Variants in NCOR2 observed in about 807,000 individuals in gnomAD.
The protein encoded by NCOR2 is nuclear receptor corepressor 2.
A neutral mutation model predicts 262.9 loss-of-function variants in NCOR2; 81 were observed. The observed-to-expected ratio is 0.31, with a 90% CI of 0.26 to 0.37. The LOEUF is 0.37. Among genes scored for constraint, NCOR2 ranks in the 10% least tolerant of loss-of-function variants. The pLI, the probability that NCOR2 is intolerant of heterozygous loss-of-function variation, is 1.00. For synonymous variants in NCOR2, 1,659 were observed against 1,559.3 expected (o/e 1.06, Z -1.51); for missense variants, 3,385 against 3,621.4 (o/e 0.93, Z 1.68).
intron 15 of NCOR2, among the ~76,000 whole-genome samples, chr12:124,399,367 G>A (rs1018312461): frequency 1.3e-5 from 2 of 152,138 alleles, no homozygotes; most frequent in Admixed American, 1.3e-4. Flanking sequence ...CCCTGCGGCT[G>A]AGCCCCCAGC....
intron 1 of NCOR2, among the ~76,000 whole-genome samples, chr12:124,490,270 C>A (rs1234369910): frequency 2.0e-5 from 3 of 152,222 alleles, no homozygotes; most frequent in African/African-American, 7.2e-5. Flanking sequence ...TCAGCCCTTC[C>A]CCTCATCTCC....
chr12:124,488,783 G>A (rs2047916271), intron 1 of NCOR2, among the ~76,000 whole-genome samples: 3 of 152,210 alleles, frequency 2.0e-5, no homozygotes, highest in Admixed American at 1.3e-4. Flanking sequence ...GGCCAAGTGG[G>A]CAGAGAAGCA....
intron 1 of NCOR2, among the ~76,000 whole-genome samples, chr12:124,553,806 C>T (rs1429819985): frequency 1.3e-5 from 2 of 152,226 alleles, no homozygotes; most frequent in Non-Finnish European, 2.9e-5. Flanking sequence ...CACGTCCCTG[C>T]ATGCCAGGTT....
intron 1 of NCOR2, among the ~76,000 whole-genome samples, chr12:124,551,284 T>C (rs2051705688): frequency 6.6e-6 from 1 of 152,192 alleles, no homozygotes; most frequent in African/African-American, 2.4e-5. Flanking sequence ...TATACAAAGC[T>C]GTCAATACTC....
Position 124,462,554 on chromosome 12 carries a change from G to A in NCOR2, c.705+3619C>T, listed in dbSNP as rs552397443. Among the ~76,000 whole-genome samples, 6 of 152,344 alleles carry A rather than the reference G, an allele frequency of 3.9e-5. No individual in the cohort carries two copies. In the East Asian group the frequency reaches 1.2e-3, roughly 29 times the overall value. ...TGCAGCAGCCTCGCGGGGCTGAAAC[G>A]GACAATCTGAAAGAACCCCTGGACC... On this transcript the variant is annotated intron_variant, in intron 5 of 46. Transcript: ENST00000405201.
exon 20 of NCOR2, chr12:124,372,211 C>A (rs1295653711): frequency 1.2e-6 from 2 of 1,601,468 alleles, no homozygotes; most frequent in African/African-American, 1.3e-5. Context: ...CTTGGCCGGC[C>A]CCTCCTCGGC....
At chr12:124,556,307 C>G (rs932596953) in intron 1 of NCOR2, 1 of 152,392 alleles carries the variant, frequency 6.6e-6, no homozygotes, top group Non-Finnish European at 1.5e-5. Context: ...CCTGGGACTC[C>G]CAACGGGCAC....
intron 1 of NCOR2, among the ~76,000 whole-genome samples, chr12:124,563,863 C>A (rs1001171307): frequency 6.6e-6 from 1 of 152,220 alleles, no homozygotes; most frequent in Non-Finnish European, 1.5e-5. Flanking sequence ...ATATCCTCTA[C>A]GGCAGCTTTG....
At chr12:124,384,553 G>A (rs376326921) in intron 17 of NCOR2, among the ~76,000 whole-genome samples, 130 of 152,292 alleles carry the variant, frequency 8.5e-4, no homozygotes, top group Non-Finnish European at 1.5e-3. Flanking sequence ...GCGGCCGCGC[G>A]CACACATGAC....
At chr12:124,474,234 T>G (rs1244217547) in intron 3 of NCOR2, among the ~76,000 whole-genome samples, 2 of 152,230 alleles carry the variant, frequency 1.3e-5, no homozygotes, top group East Asian at 3.8e-4. Flanking sequence ...AACACACACG[T>G]GGCTTTGCAG....
At chr12:124,539,330 A>T (rs543217901), upstream of NCOR2, 1 of 152,740 alleles carries the variant, frequency 6.5e-6, no homozygotes, top group Admixed American at 6.5e-5. The surrounding 1 kb of genome is among the most constrained non-coding windows in gnomAD (Gnocchi z 5.1). Context: ...GTTCACACTC[A>T]CCGGCTCGGG....
At chr12:124,335,544 G>C in exon 39 of NCOR2, 1 of 1,609,488 alleles carries the variant, frequency 6.2e-7, no homozygotes, top group East Asian at 2.2e-5. Flanking sequence ...CCAGGTGCTT[G>C]GGGAGCCCCT....
chr12:124,408,025 A>G (rs2042369010), intron 13 of NCOR2, among the ~76,000 whole-genome samples: 1 of 152,238 alleles, frequency 6.6e-6, no homozygotes, highest in Admixed American at 6.5e-5. Flanking sequence ...AGGGGAGGCC[A>G]TCTCAGTGCG....
intron 45 of NCOR2, 116 bp downstream of exon 47, chr12:124,327,289 AAAAT>A (rs1383437936): frequency 1.2e-6 from 1 of 851,578 alleles, no homozygotes; most frequent in Non-Finnish European, 1.8e-6. Flanking sequence ...AACACGCACA[AAAAT>A]AAAGTCACAA....
intron 13 of NCOR2, among the ~76,000 whole-genome samples, chr12:124,403,051 G>T (rs964141493): frequency 1.3e-5 from 2 of 152,144 alleles, no homozygotes; most frequent in Admixed American, 6.5e-5. Flanking sequence ...AGGTGCCCTG[G>T]TGAGCCTCGG....
At chr12:124,449,672 T>C in intron 7 of NCOR2, 143 bp downstream of exon 9, 8 of 657,634 alleles carry the variant, frequency 1.2e-5, no homozygotes, top group Non-Finnish European at 1.9e-5. Context: ...GACTGTCTCC[T>C]GTCCCCTCCG....
At chr12:124,558,103 C>G (rs1223370778) in intron 1 of NCOR2, among the ~76,000 whole-genome samples, 1 of 152,134 alleles carries the variant, frequency 6.6e-6, no homozygotes, top group Non-Finnish European at 1.5e-5. Flanking sequence ...ACACTGGGGC[C>G]CATGCTCCCT....
rs1440550570 is a variant in NCOR2 at position 124,566,466 on chromosome 12, C to T, written c.-165+842G>A. On this transcript the variant is annotated intron_variant, in intron 1 of 32. Coordinates refer to the NCOR2 transcript ENST00000458234. The surrounding 1 kb of genome is among the most constrained non-coding windows in gnomAD (Gnocchi z 4.3). ...CGTGCCCTCCCGCCCTCGGCTTGCT[C>T]CTCCTGCAAGTGTCTGGGGCGGGGA... Among the ~76,000 whole-genome samples the T allele has an allele frequency of 6.6e-6, 1 of 152,230 alleles. No individual in the cohort carries two copies. Among genetic ancestry groups the T allele is most frequent in the African/African-American group, 2.4e-5 (1 of 41,468 alleles).
intron 33 of NCOR2, among the ~76,000 whole-genome samples, chr12:124,342,281 C>T (rs1413933118): frequency 6.6e-6 from 1 of 152,210 alleles, no homozygotes; most frequent in Non-Finnish European, 1.5e-5. Context: ...ACGAAGGATG[C>T]TTTTTGCATC....
Sources: gnomAD v4.1 joint callset for allele counts (sites outside exome capture counted in the v4.1 genomes callset) on GRCh38, gnomAD v4.1.1 for gene constraint, Gnocchi (gnomAD v3.1) non-coding constraint, MANE v1.5 for transcripts, NCBI Gene and HGNC (gene_info 2026-07-23, HGNC 2026-07-21) for gene names.